Variants in ZBTB44 observed in about 807,000 individuals in gnomAD.
ZBTB44 encodes zinc finger and BTB domain-containing protein 44.
A neutral mutation model predicts 54.0 loss-of-function variants in ZBTB44; 15 were observed. The ratio of observed to expected loss-of-function variants is 0.28; its 90% confidence interval spans 0.19 to 0.43. The LOEUF is 0.43. Ranked by LOEUF, ZBTB44 falls within the 20% of genes least tolerant of loss-of-function variation. The pLI, the probability that ZBTB44 is intolerant of heterozygous loss-of-function variation, is 1.00. For synonymous variants in ZBTB44, 230 were observed against 250.1 expected (o/e 0.92, Z 0.76); for missense variants, 487 against 707.1 (o/e 0.69, Z 3.53).
At chr11:130,271,078 G>A (rs960511914) in intron 1 of ZBTB44, among the ~76,000 whole-genome samples, 13 of 152,108 alleles carry the variant, frequency 8.5e-5, no homozygotes. Flanking sequence ...TCTCGACCCT[G>A]TCCAGTATTG....
chr11:130,296,481 C>A, intron 1 of ZBTB44: 1 of 1,052,808 alleles, frequency 9.5e-7, no homozygotes, highest in Non-Finnish European at 1.4e-6. Context: ...TTTGGGAACA[C>A]ATTGTGTACG....
intron 1 of ZBTB44, among the ~76,000 whole-genome samples, chr11:130,265,998 AGAC>A (rs960174641): frequency 6.6e-6 from 1 of 152,266 alleles, no homozygotes; most frequent in African/African-American, 2.4e-5. Context: ...TTTTCAATAC[AGAC>A]AACACAGCCT....
At chr11:130,234,743 T>A (rs1489382434) in intron 5 of ZBTB44, among the ~76,000 whole-genome samples, 1 of 152,210 alleles carries the variant, frequency 6.6e-6, no homozygotes, top group Admixed American at 6.5e-5. Context: ...AATGACCTGA[T>A]ACATAATCTA....
chr11:130,281,170 A>G (rs897753721), intron 1 of ZBTB44, among the ~76,000 whole-genome samples: 1 of 152,212 alleles, frequency 6.6e-6, no homozygotes. Context: ...TTAAATGATT[A>G]TAATTAGAAA....
intron 1 of ZBTB44, among the ~76,000 whole-genome samples, chr11:130,273,194 T>C (rs777958377): frequency 6.6e-6 from 1 of 152,152 alleles, no homozygotes; most frequent in Non-Finnish European, 1.5e-5. Flanking sequence ...TGTTTTTCTA[T>C]TTATTTAGAT....
chr11:130,281,262 G>A (rs572947116), intron 1 of ZBTB44, among the ~76,000 whole-genome samples: 52 of 152,242 alleles, frequency 3.4e-4, no homozygotes, highest in African/African-American at 1.3e-3. Flanking sequence ...GCTCACGCCT[G>A]TAATCCCAGC....
intron 1 of ZBTB44, among the ~76,000 whole-genome samples, chr11:130,265,404 T>C (rs1370874065): frequency 6.6e-6 from 1 of 152,144 alleles, no homozygotes; most frequent in African/African-American, 2.4e-5. Flanking sequence ...TTTGTATTTT[T>C]AGTAGAGAGG....
At chr11:130,254,526 T>C (rs2136383971) in intron 2 of ZBTB44, among the ~76,000 whole-genome samples, 1 of 152,270 alleles carries the variant, frequency 6.6e-6, no homozygotes, top group African/African-American at 2.4e-5. Context: ...CACAATGAGA[T>C]ACCATCTCAC....
At chr11:130,289,802 C>G (rs1365695918) in intron 1 of ZBTB44, among the ~76,000 whole-genome samples, 3 of 152,146 alleles carry the variant, frequency 2.0e-5, no homozygotes, top group African/African-American at 7.2e-5. Flanking sequence ...AAATAAATGT[C>G]CGTATTGTTT....
intron 2 of ZBTB44, among the ~76,000 whole-genome samples, chr11:130,253,301 T>C (rs1296950122): frequency 1.3e-5 from 2 of 152,214 alleles, no homozygotes; most frequent in African/African-American, 4.8e-5. Context: ...GATGACATGA[T>C]TGTACATTTA....
chr11:130,243,513 T>C (rs577057230), intron 2 of ZBTB44, among the ~76,000 whole-genome samples: 1 of 152,364 alleles, frequency 6.6e-6, no homozygotes, highest in East Asian at 1.9e-4. Context: ...CTCAGGGATG[T>C]GTTTTCCTCT....
intron 2 of ZBTB44, among the ~76,000 whole-genome samples, chr11:130,256,287 A>T (rs1158657241): frequency 3.9e-5 from 6 of 152,246 alleles, no homozygotes; most frequent in Non-Finnish European, 8.8e-5. Flanking sequence ...GGCTGGTTCA[A>T]CACACGCAGA....
At chr11:130,268,907 A>G (rs937215405) in intron 1 of ZBTB44, among the ~76,000 whole-genome samples, 3 of 151,592 alleles carry the variant, frequency 2.0e-5, no homozygotes, top group East Asian at 1.9e-4. Flanking sequence ...GAGAGAGAGA[A>G]AAAAAGAAAA....
At chr11:130,258,148 GTAGAAGACTGCCAAC>G (rs1938584723) in intron 2 of ZBTB44, among the ~76,000 whole-genome samples, 1 of 152,116 alleles carries the variant, frequency 6.6e-6, no homozygotes, top group African/African-American at 2.4e-5. Flanking sequence ...AAAAGCAACT[GTAGAAGACTGCCAAC>G]TGTAAGACAT....
chr11:130,291,379 C>T (rs535678972), intron 1 of ZBTB44, among the ~76,000 whole-genome samples: 14 of 152,132 alleles, frequency 9.2e-5, no homozygotes, highest in Non-Finnish European at 1.8e-4. Context: ...CCTTGGGATC[C>T]GCCCACCTCG....
Position 130,261,411 on chromosome 11 carries a change from A to G in ZBTB44, c.463T>C (p.Ser155Pro). The G allele has an allele frequency of 6.2e-7, 1 of 1,613,916 alleles. No individual in the cohort carries two copies. The highest frequency in any genetic ancestry group is 1.3e-5 in the African/African-American group (1 of 75,010). The change falls in exon 2 of 8, where the codon TCT becomes CCT. Residue 155 changes from serine to proline, a missense_variant. Coordinates refer to ENST00000357899, the MANE Select transcript of ZBTB44 (RefSeq NM_001301098.2). This position sits in a 1 kb window ranked among gnomAD's most constrained non-coding sequence, Gnocchi z 4.8. ...QENNSNCNFT[S>P]RDGSISPVSS... is the part of the protein sequence containing the mutation. ...ACGGGAGAAATGCTCCCATCTCGAG[A>G]AGTAAAATTGCAGTTAGAATTATTT...
At chr11:130,273,544 C>T (rs1939836904) in intron 1 of ZBTB44, among the ~76,000 whole-genome samples, 1 of 152,006 alleles carries the variant, frequency 6.6e-6, no homozygotes, top group Non-Finnish European at 1.5e-5. Context: ...AACTCCCGGG[C>T]TCAAGCAATC....
intron 1 of ZBTB44, among the ~76,000 whole-genome samples, chr11:130,281,807 G>A (rs1413507298): frequency 5.9e-5 from 9 of 151,522 alleles, no homozygotes; most frequent in Middle Eastern, 3.4e-3. Flanking sequence ...GGGTTTCGCC[G>A]TGTTAGCCAG....
intron 1 of ZBTB44, among the ~76,000 whole-genome samples, chr11:130,298,310 T>G (rs1378502683): frequency 6.6e-6 from 1 of 151,894 alleles, no homozygotes; most frequent in Non-Finnish European, 1.5e-5. Context: ...ACCCAGATGA[T>G]TTTTGTATTT....
Sources: gnomAD v4.1 joint callset for allele counts (sites outside exome capture counted in the v4.1 genomes callset) on GRCh38, gnomAD v4.1.1 for gene constraint, Gnocchi (gnomAD v3.1) non-coding constraint, MANE v1.5 for transcripts, NCBI Gene and HGNC (gene_info 2026-07-23, HGNC 2026-07-21) for gene names.